AP3S2: variants seen among roughly 807,000 people sequenced by gnomAD.
AP3S2 encodes the protein AP-3 complex subunit sigma-2.
In AP3S2, 22 loss-of-function variants were observed where a neutral mutation model predicts 23.4. The observed-to-expected ratio is 0.94, with a 90% CI of 0.67 to 1.34. AP3S2 has a LOEUF of 1.34. AP3S2 is among the 40% of genes most tolerant of loss of function. The probability of loss-of-function intolerance (pLI) is 0.00; values close to 1 mark genes in which losing one functional copy is unlikely to be tolerated. For missense variants in AP3S2, 241 were observed against 236.9 expected (o/e 1.02, Z -0.11); for synonymous variants, 86 against 87.1 (o/e 0.99, Z 0.07).
Position 89,889,039 on chromosome 15 carries a change from G to T in AP3S2, c.161+10C>A. On this transcript the variant is annotated intron_variant, in intron 2 of 5. Transcript: ENST00000336418. Reference sequence around the variant, plus strand: ...GATATATGGGGAGAAAAATGAAGCTGACAGTTTACCTTCCACCCTCCAAGA... The same window carrying T: ...GATATATGGGGAGAAAAATGAAGCTTACAGTTTACCTTCCACCCTCCAAGA... 1 of 1,614,102 alleles carries T rather than the reference G, an allele frequency of 6.2e-7. No homozygotes were observed. Among genetic ancestry groups the T allele is most frequent in the East Asian group, 2.2e-5 (1 of 44,886 alleles).
chr15:89,893,512 CT>C lies in AP3S2; in HGVS notation c.69+368del, dbSNP rs1463136356. The C allele has an allele frequency of 1.3e-5, 5 of 399,278 alleles. No homozygotes were observed. The Admixed American group carries it at 2.2e-4, about 18-fold the overall frequency. 24.7% of individuals were successfully genotyped at this position (399,278 alleles called of 1,614,324 possible). ...ACTTTCAGAAACTTAATATTTCTTC[CT>C]CATGAAACTGTGGTCAACAACCAAA... On this transcript the variant is annotated intron_variant, in intron 1 of 5. Coordinates refer to ENST00000336418, the MANE Select transcript of AP3S2 (RefSeq NM_005829.5).
intron 4 of AP3S2, among the ~76,000 whole-genome samples, chr15:89,867,452 AGT>A (rs1322079058): frequency 3.3e-5 from 5 of 150,158 alleles, no homozygotes; most frequent in Admixed American, 3.3e-4. Flanking sequence ...GGAAGTGAGG[AGT>A]GTCTCTGCCT....
Position 89,869,370 on chromosome 15 carries a change from C to T in AP3S2, c.345+2105G>A, listed in dbSNP as rs1344398390. On this transcript the variant is annotated intron_variant, in intron 4 of 5. Transcript: ENST00000336418. ...GCTTTGTTAAACAGATGCTTGAAGG[C>T]AGCATGCGCGTTAAGAGTCATCACC... 9.4e-5 allele frequency among the ~76,000 whole-genome samples: 14 copies of T among 149,032 alleles called. 1 individual carries two copies. The highest frequency in any genetic ancestry group is 3.5e-4 in the African/African-American group (14 of 40,242).
At chr15:89,892,519 C>T (rs1429456182) in intron 1 of AP3S2, among the ~76,000 whole-genome samples, 1 of 152,016 alleles carries the variant, frequency 6.6e-6, no homozygotes, top group African/African-American at 2.4e-5. Context: ...AAGTAAATAA[C>T]ATAAAATAAA....
intron 3 of AP3S2, among the ~76,000 whole-genome samples, chr15:89,881,930 C>T (rs964843937): frequency 1.3e-5 from 2 of 151,884 alleles, no homozygotes; most frequent in Admixed American, 1.3e-4. Flanking sequence ...AAGCAATTCT[C>T]CTGCCTCAAC....
At chr15:89,875,228 C>A (rs557866931) in intron 3 of AP3S2, among the ~76,000 whole-genome samples, 1 of 152,292 alleles carries the variant, frequency 6.6e-6, no homozygotes, top group African/African-American at 2.4e-5. Flanking sequence ...CCACAGTTTG[C>A]AGCAGCACCA....
intron 1 of AP3S2, among the ~76,000 whole-genome samples, chr15:89,892,258 G>A (rs1251541478): frequency 6.6e-6 from 1 of 152,204 alleles, no homozygotes; most frequent in African/African-American, 2.4e-5. Flanking sequence ...GAAATAGGGA[G>A]TGACTGCTAA....
rs556432973 is a variant in AP3S2, at chr15:89,878,620, G to GTATA, written c.274-7078_274-7075dup. On this transcript the variant is annotated intron_variant, in intron 3 of 5. Transcript: ENST00000336418. ...CTGTCATGCAGGCTGGAGTGCAGTG[G>GTATA]TATAATCATAGCTCACTGCAGCCCT... Among the ~76,000 whole-genome samples, 247 of 152,284 alleles carry GTATA rather than the reference G, an allele frequency of 1.6e-3. 1 individual carries two copies. Among genetic ancestry groups the GTATA allele is most frequent in the African/African-American group, 5.7e-3 (236 of 41,550 alleles).
chr15:89,879,085 C>T (rs897931012), intron 3 of AP3S2, among the ~76,000 whole-genome samples: 2 of 152,216 alleles, frequency 1.3e-5, no homozygotes, highest in African/African-American at 4.8e-5. Context: ...CACTATGCTG[C>T]CCAGGAAGGT....
chr15:89,843,402 C>T (rs987656746), intron 4 of AP3S2, among the ~76,000 whole-genome samples: 5 of 151,906 alleles, frequency 3.3e-5, no homozygotes, highest in Non-Finnish European at 7.4e-5. Flanking sequence ...CTTTGGGAGG[C>T]CAAGGTGGGT....
intron 4 of AP3S2, chr15:89,845,620 T>G (rs1175104663): frequency 6.6e-6 from 1 of 152,198 alleles, no homozygotes; most frequent in Admixed American, 6.5e-5. Context: ...TGCGCTGACC[T>G]TGAGGATGCC....
intron 4 of AP3S2, among the ~76,000 whole-genome samples, chr15:89,866,461 G>A (rs1896122958): frequency 6.6e-6 from 1 of 151,732 alleles, no homozygotes; most frequent in South Asian, 2.1e-4. Context: ...CCAGGTGTTG[G>A]GCAGCTGGCA....
chr15:89,835,690 C>T (rs749866510), intron 5 of AP3S2, 47 bp from the exon 6 acceptor site: 1 of 1,030,312 alleles, frequency 9.7e-7, no homozygotes, highest in Non-Finnish European at 1.4e-6. Flanking sequence ...TCACTGTTAT[C>T]TGCTTAATGC....
intron 4 of AP3S2, among the ~76,000 whole-genome samples, chr15:89,852,830 A>G (rs963685047): frequency 1.3e-5 from 2 of 152,180 alleles, no homozygotes; most frequent in African/African-American, 4.8e-5. Context: ...CGCCCTTTAC[A>G]TGCTGGCTCA....
At chr15:89,866,261 C>CAAAAAA (rs368571089) in intron 4 of AP3S2, among the ~76,000 whole-genome samples, 5 of 87,706 alleles carry the variant, frequency 5.7e-5, no homozygotes, top group Non-Finnish European at 8.3e-5. Flanking sequence ...GACTCCGTCT[C>CAAAAAA]AAAAAAAAAA....
At chr15:89,862,035 C>G (rs1373705868) in intron 4 of AP3S2, among the ~76,000 whole-genome samples, 1 of 152,064 alleles carries the variant, frequency 6.6e-6, no homozygotes, top group Non-Finnish European at 1.5e-5. Context: ...CCAGTAGTTA[C>G]GGAAGTAAAG....
chr15:89,858,513 G>C (rs1422472392), intron 4 of AP3S2, among the ~76,000 whole-genome samples: 3 of 52,134 alleles, frequency 5.8e-5, no homozygotes, highest in African/African-American at 1.8e-4. Context: ...GAGAGAGAGA[G>C]AGAGAGAGAG....
chr15:89,868,714 G>A (rs1379462152), intron 4 of AP3S2, among the ~76,000 whole-genome samples: 3 of 116,536 alleles, frequency 2.6e-5, no homozygotes, highest in East Asian at 2.8e-4. Context: ...CCCTCCGCCC[G>A]GCCAGCCGCC....
chr15:89,885,019 T>C (rs550761143), intron 3 of AP3S2, among the ~76,000 whole-genome samples: 1 of 152,286 alleles, frequency 6.6e-6, no homozygotes, highest in South Asian at 2.1e-4. Flanking sequence ...GGTAGTAGGA[T>C]TCCTTGTTCT....
Sources: gnomAD v4.1 joint callset for allele counts (sites outside exome capture counted in the v4.1 genomes callset) on GRCh38, gnomAD v4.1.1 for gene constraint, MANE v1.5 for transcripts, NCBI Gene and HGNC (gene_info 2026-07-23, HGNC 2026-07-21) for gene names.